The following CCNB2 variants were observed in gnomAD, a reference collection of about 807,000 sequenced individuals.
CCNB2 encodes the protein G2/mitotic-specific cyclin-B2.
In CCNB2, 39 loss-of-function variants were observed where a neutral mutation model predicts 51.1. The observed-to-expected ratio is 0.76, with a 90% CI of 0.59 to 1.00. The LOEUF (loss-of-function observed/expected upper bound fraction) is 1.00. CCNB2 is among the 50% of genes least tolerant of loss of function. CCNB2 has a pLI of 0.00. For synonymous variants in CCNB2, 174 were observed against 165.5 expected (o/e 1.05, Z -0.40); for missense variants, 472 against 470.3 (o/e 1.00, Z -0.03).
chr15:59,110,496 T>C (rs2079253483), intron 3 of CCNB2, among the ~76,000 whole-genome samples: 1 of 152,246 alleles, frequency 6.6e-6, no homozygotes, highest in South Asian at 2.1e-4. Flanking sequence ...GCCTTCTGGC[T>C]TTTACTTTGT....
At position 59,105,353 on chromosome 15, in the gene CCNB2, G is replaced by A. The variant is rs2079231155; in HGVS notation, c.24+61G>A. ...CCGTCGGCCCCACAGCTCCCCTGTC[G>A]CTTCTCTCATCTGCTCCGAGCTTCT... On this transcript the variant is annotated intron_variant, in intron 1 of 8. Coordinates refer to ENST00000288207, the MANE Select transcript of CCNB2 (RefSeq NM_004701.4). 5 of 1,517,944 alleles carry A rather than the reference G, an allele frequency of 3.3e-6. No homozygotes were observed. The South Asian group carries it at 3.6e-5, about 11-fold the overall frequency. 94.0% of individuals were successfully genotyped at this position (1,517,944 alleles called of 1,614,324 possible).
chr15:59,117,591 C>T (rs1407392345), intron 7 of CCNB2, among the ~76,000 whole-genome samples: 3 of 152,162 alleles, frequency 2.0e-5, no homozygotes, highest in Non-Finnish European at 4.4e-5. Context: ...ACCTCAGCCT[C>T]CCGAGTAGCA....
Position 59,114,453 on chromosome 15 carries a change from C to G in CCNB2, c.277C>G (p.Pro93Ala), listed in dbSNP as rs778925803. 4 of 1,600,932 alleles carry G rather than the reference C, an allele frequency of 2.5e-6. No individual in the cohort carries two copies. Among genetic ancestry groups the G allele is most frequent in the Non-Finnish European group, 3.4e-6 (4 of 1,174,060 alleles). ...MEKLAPKGPS[P>A]TPEDVSMKEE... ...AAATTTGTTGGTGTAGGGTCCTTCT[C>G]CCACACCTGAGGATGTCTCCATGAA... The change falls in exon 4 of 9, where the codon CCC (proline) becomes GCC (alanine). Residue 93 changes from proline to alanine, a missense_variant. Pro to Ala is a conservative substitution (Grantham distance 27). Coordinates refer to ENST00000288207, the MANE Select transcript of CCNB2 (RefSeq NM_004701.4).
At position 59,110,272 on chromosome 15, in the gene CCNB2, C is replaced by T. The variant is rs77458543; in HGVS notation, c.267+2602C>T. On this transcript the variant is annotated intron_variant, in intron 3 of 8. Transcript: ENST00000288207. ...CTGTTTGAGATAAAGCATTATGGAC[C>T]CGTAGCTCAGTTCATATAAAAATCA... 1.8e-4 allele frequency among the ~76,000 whole-genome samples: 27 copies of T among 152,180 alleles called. No homozygotes were observed. In the East Asian group the frequency reaches 4.4e-3, roughly 25 times the overall value.
At chr15:59,107,941 A>G (rs1250426611) in intron 3 of CCNB2, among the ~76,000 whole-genome samples, 2 of 152,170 alleles carry the variant, frequency 1.3e-5, no homozygotes, top group East Asian at 1.9e-4. Flanking sequence ...CAAGGCTGCA[A>G]TGTGCTATAA....
At chr15:59,119,734 G>T (rs1425966027) in intron 7 of CCNB2, among the ~76,000 whole-genome samples, 5 of 152,146 alleles carry the variant, frequency 3.3e-5, no homozygotes, top group South Asian at 4.2e-4. Flanking sequence ...CTTATACAGG[G>T]TCTTGCTTTG....
chr15:59,115,764 G>T (rs1053979492), intron 5 of CCNB2: 3 of 152,076 alleles, frequency 2.0e-5, no homozygotes, highest in Admixed American at 6.6e-5. Context: ...GTTTTATTCT[G>T]TTGTTGCCCA....
intron 7 of CCNB2, among the ~76,000 whole-genome samples, chr15:59,118,764 C>T (rs1009859844): frequency 8.5e-5 from 13 of 152,180 alleles, no homozygotes; most frequent in Non-Finnish European, 1.9e-4. Context: ...GATGGCTGGG[C>T]GGCAGCTCTG....
chr15:59,116,641 T>C (rs756589572), intron 5 of CCNB2, 49 bp from the exon 6 acceptor site: 1 of 1,316,454 alleles, frequency 7.6e-7, no homozygotes, highest in South Asian at 1.3e-5. Flanking sequence ...CACCTAAAGC[T>C]TCACTCTTCT....
Position 59,123,735 on chromosome 15 carries a change from CA to C in CCNB2, c.1086+109del. 9.4e-6 allele frequency: 6 copies of C among 640,032 alleles called. No individual in the cohort carries two copies. In the Admixed American group the frequency reaches 1.5e-4, roughly 16 times the overall value. 39.6% of individuals were successfully genotyped at this position (640,032 alleles called of 1,614,324 possible). A position where few individuals can be genotyped will look rare whatever the true frequency, so the allele number is the denominator to read the frequency against. On this transcript the variant is annotated intron_variant, in intron 8 of 8. Transcript: ENST00000288207. ...TGCCGTCATGTAAATATATTAATAA[CA>C]TGTGGGAGTTTTAGCACAAATCCTT...
intron 3 of CCNB2, among the ~76,000 whole-genome samples, chr15:59,109,317 C>A (rs1345640042): frequency 6.6e-6 from 1 of 152,102 alleles, no homozygotes; most frequent in South Asian, 2.1e-4. Context: ...TGAGCCACTG[C>A]GCCTGGCGGT....
chr15:59,114,390 G>C, intron 3 of CCNB2, 54 bp from the exon 4 acceptor site: 1 of 1,381,312 alleles, frequency 7.2e-7, no homozygotes, highest in Non-Finnish European at 9.9e-7. Context: ...AGTTGGCTCT[G>C]CATGTATTTA....
chr15:59,122,549 T>C (rs1442117185), intron 7 of CCNB2, among the ~76,000 whole-genome samples: 2 of 147,836 alleles, frequency 1.4e-5, no homozygotes, highest in African/African-American at 5.1e-5. Context: ...TTTTTTTTCT[T>C]TTTTTTTTGA....
intron 1 of CCNB2, among the ~76,000 whole-genome samples, chr15:59,106,924 C>G (rs1387062877): frequency 6.6e-6 from 1 of 152,154 alleles, no homozygotes; most frequent in African/African-American, 2.4e-5. Flanking sequence ...TCTTAATTTA[C>G]TTTTTACCAA....
rs1484448874 is a variant in CCNB2 at position 59,123,813 on chromosome 15, C to G, written c.1086+186C>G. The G allele has an allele frequency of 7.5e-6, 4 of 535,426 alleles. No individual in the cohort carries two copies. The African/African-American group carries it at 7.6e-5, about 10-fold the overall frequency. The allele number at this position is 535,426 out of a possible 1,614,324, so 33.2% of individuals were successfully genotyped here. On this transcript the variant is annotated intron_variant, in intron 8 of 8. Coordinates refer to ENST00000288207, the MANE Select transcript of CCNB2 (RefSeq NM_004701.4). ...ATGGTATGGAGCATACTGATAAACC[C>G]TGAAAGCAAGCTTTATTTGAAACAA...
intron 7 of CCNB2, among the ~76,000 whole-genome samples, chr15:59,118,347 A>C (rs547019403): frequency 1.3e-5 from 2 of 152,320 alleles, no homozygotes; most frequent in South Asian, 4.1e-4. Flanking sequence ...GTCTGCAGTT[A>C]TACCCTGAGA....
chr15:59,111,412 A>G (rs1209026180), intron 3 of CCNB2, among the ~76,000 whole-genome samples: 2 of 152,248 alleles, frequency 1.3e-5, no homozygotes, highest in African/African-American at 4.8e-5. Flanking sequence ...GTGGTATGAT[A>G]GCACATGATA....
chr15:59,110,529 A>G (rs1005312667), intron 3 of CCNB2, among the ~76,000 whole-genome samples: 3 of 152,212 alleles, frequency 2.0e-5, no homozygotes, highest in African/African-American at 7.2e-5. Context: ...CTGCAGGGTT[A>G]TCACTGTTCT....
intron 1 of CCNB2, among the ~76,000 whole-genome samples, chr15:59,105,568 C>T (rs545659754): frequency 6.6e-6 from 1 of 152,338 alleles, no homozygotes; most frequent in South Asian, 2.1e-4. Context: ...AGTGAGCCCC[C>T]AGAGCACTAG....
Sources: gnomAD v4.1 joint callset for allele counts (sites outside exome capture counted in the v4.1 genomes callset) on GRCh38, gnomAD v4.1.1 for gene constraint, MANE v1.5 for transcripts, NCBI Gene and HGNC (gene_info 2026-07-23, HGNC 2026-07-21) for gene names.